The following ZAR1L variants were observed in gnomAD, a reference collection of about 807,000 sequenced individuals.
ZAR1L encodes protein ZAR1-like.
In ZAR1L, 16 loss-of-function variants were observed where a neutral mutation model predicts 30.0. The ratio of observed to expected loss-of-function variants is 0.53; its 90% confidence interval spans 0.36 to 0.81. The LOEUF is 0.81. Among genes scored for constraint, ZAR1L ranks in the 30% least tolerant of loss-of-function variants. ZAR1L has a pLI of 0.00. For missense variants in ZAR1L, 392 were observed against 417.2 expected (o/e 0.94, Z 0.53); for synonymous variants, 197 against 166.8 (o/e 1.18, Z -1.40).
rs752969196 is a variant in ZAR1L, at chr13:32,311,684, G to C, written c.242C>G (p.Pro81Arg). ...CTTGGTGTTGGGCTTGCACAGCCGC[G>C]GGCTCAGGCTGGGGTTCATCTGGGA... Reference protein sequence around the residue: ...ILSQMNPSLSPRLCKPNTKEV... With the variant: ...ILSQMNPSLSRRLCKPNTKEV... The change falls in exon 3 of 6, where the codon CCG becomes CGG. Residue 81 changes from proline (P) to arginine (R), a missense_variant. Pro to Arg is a moderately radical substitution (Grantham distance 103). Transcript: ENST00000533490. 6.4e-7 allele frequency: 1 copy of C among 1,551,510 alleles called. No individual in the cohort carries two copies. The highest frequency in any genetic ancestry group is 1.4e-5 in the African/African-American group (1 of 73,058).
intron 4 of ZAR1L, among the ~76,000 whole-genome samples, chr13:32,309,817 A>G (rs2072200062): frequency 6.6e-6 from 1 of 152,218 alleles, no homozygotes; most frequent in South Asian, 2.1e-4. Context: ...GAAGGAAGTA[A>G]ATTCAACTTC....
chr13:32,312,277 A>G (rs1375454359), intron 2 of ZAR1L, among the ~76,000 whole-genome samples, 184 bp from the exon 3 acceptor site: 1 of 152,192 alleles, frequency 6.6e-6, no homozygotes, highest in East Asian at 1.9e-4. Flanking sequence ...TGACCATTCT[A>G]AAGATCCTTT....
chr13:32,307,513 A>G (rs2072184614), intron 5 of ZAR1L, among the ~76,000 whole-genome samples: 1 of 149,636 alleles, frequency 6.7e-6, no homozygotes, highest in Non-Finnish European at 1.5e-5. Context: ...AAAAAAAAAA[A>G]AAAAAAAAAA....
At position 32,308,825 on chromosome 13, in the gene ZAR1L, C is replaced by T. The variant is rs559650752; in HGVS notation, c.748-65G>A. The T allele has an allele frequency of 7.1e-4, 798 of 1,126,550 alleles. 4 individuals carry two copies. The highest frequency in any genetic ancestry group is 5.5e-3 in the South Asian group (398 of 72,322). The allele number at this position is 1,126,550 out of a possible 1,614,324, so 69.8% of individuals were successfully genotyped here. A position where few individuals can be genotyped will look rare whatever the true frequency, so the allele number is the denominator to read the frequency against. On this transcript the variant is annotated intron_variant, in intron 4 of 5. Transcript: ENST00000533490. ...ACACACCCACACCCTGCAAAGGCTC[C>T]CAGTTCTTAAGTAATCCATTGCATC...
At chr13:32,308,871 C>CCTTGCCTTG in intron 4 of ZAR1L, 111 bp from the exon 5 acceptor site, 1 of 689,622 alleles carries the variant, frequency 1.5e-6, no homozygotes, top group Non-Finnish European at 2.5e-6. Flanking sequence ...CAACTTCTAC[C>CCTTGCCTTG]CTTGCCTTGC....
chr13:32,309,032 C>A (rs568152105), intron 4 of ZAR1L, among the ~76,000 whole-genome samples: 1 of 147,780 alleles, frequency 6.8e-6, no homozygotes, highest in East Asian at 2.0e-4. Context: ...CTCTTGTAAT[C>A]CAGTCTGGAG....
chr13:32,315,176 G>A (rs1305618584), intron 1 of ZAR1L, 139 bp downstream of exon 1: 3 of 152,320 alleles, frequency 2.0e-5, no homozygotes, highest in African/African-American at 7.2e-5. Flanking sequence ...TAGGTCCCAG[G>A]TCGTGTCCCG....
intron 5 of ZAR1L, among the ~76,000 whole-genome samples, chr13:32,308,099 C>T (rs938108907): frequency 6.6e-6 from 1 of 152,120 alleles, no homozygotes; most frequent in Non-Finnish European, 1.5e-5. Context: ...CCATGCCTGG[C>T]CTATTTATTT....
In ZAR1L at chr13:32,311,926, C is replaced by T; in HGVS notation, c.-1G>A. 1 of 1,544,882 alleles carries T rather than the reference C, an allele frequency of 6.5e-7. No individual in the cohort carries two copies. The highest frequency in any genetic ancestry group is 8.7e-7 in the Non-Finnish European group (1 of 1,143,062). On this transcript the variant is annotated 5_prime_UTR_variant, in exon 3 of 6. Transcript: ENST00000533490. ...AGGGAACACGGACAAAGCGCTCCAT[C>T]CGCTCTCAGGTGCTCAGGCGCAGTC...
In ZAR1L at chr13:32,310,628, T is replaced by C. The variant is rs774997812; in HGVS notation, c.747+11A>G. 2 of 1,540,152 alleles carry C rather than the reference T, an allele frequency of 1.3e-6. No homozygotes were observed. Among genetic ancestry groups the C allele is most frequent in the Non-Finnish European group, 1.8e-6 (2 of 1,136,560 alleles). ...CCCATCCTCCTCTCACCTCCTACTC[T>C]TTTTATTTACCTTGTTCGTTCCAGA... On this transcript the variant is annotated intron_variant, in intron 4 of 5. Coordinates refer to ENST00000533490, the MANE Select transcript of ZAR1L (RefSeq NM_001136571.2).
At chr13:32,311,141 A>T (rs538371987) in intron 3 of ZAR1L, 131 bp downstream of exon 3, 229 of 1,142,404 alleles carry the variant, frequency 2.0e-4, no homozygotes, top group Admixed American at 1.7e-3. Flanking sequence ...ACATATTTTC[A>T]GAGCTCCCTC....
intron 4 of ZAR1L, 120 bp downstream of exon 4, chr13:32,310,519 G>T (rs2072204709): frequency 2.8e-6 from 2 of 703,838 alleles, no homozygotes; most frequent in Non-Finnish European, 4.9e-6. Context: ...CTGGCACGGG[G>T]GATGCCACCA....
intron 5 of ZAR1L, among the ~76,000 whole-genome samples, chr13:32,304,984 A>C (rs138483483): frequency 6.6e-6 from 1 of 151,338 alleles, no homozygotes; most frequent in Non-Finnish European, 1.5e-5. Flanking sequence ...TAATTTTTGT[A>C]TTTTTTAGTA....
chr13:32,311,232 A>G (rs2072209638), intron 3 of ZAR1L, 40 bp downstream of exon 3: 1 of 1,499,668 alleles, frequency 6.7e-7, no homozygotes, highest in Non-Finnish European at 8.9e-7. Context: ...GGAGGGGATG[A>G]GGCTGGTCGA....
At chr13:32,314,170 T>G (rs572679219) in intron 2 of ZAR1L, among the ~76,000 whole-genome samples, 160 bp downstream of exon 2, 10 of 152,280 alleles carry the variant, frequency 6.6e-5, no homozygotes, top group Middle Eastern at 3.4e-3. Context: ...GTTTGGTAAG[T>G]GGCAGCTGTT....
intron 2 of ZAR1L, among the ~76,000 whole-genome samples, chr13:32,313,170 A>T (rs206112): frequency 0.38 from 57,354 of 152,058 alleles, 11,017 homozygotes; most frequent in East Asian, 0.49. Flanking sequence ...ACTACAGTTA[A>T]CAATACTGTA....
At chr13:32,306,200 A>G (rs1243713072) in intron 5 of ZAR1L, among the ~76,000 whole-genome samples, 1 of 152,210 alleles carries the variant, frequency 6.6e-6, no homozygotes, top group Non-Finnish European at 1.5e-5. Flanking sequence ...TATTCAGCCT[A>G]AAGCAAGAAG....
intron 5 of ZAR1L, 31 bp downstream of exon 5, chr13:32,308,655 T>C: frequency 2.7e-6 from 4 of 1,499,808 alleles, no homozygotes; most frequent in Non-Finnish European, 3.6e-6. Flanking sequence ...TAATGAAACA[T>C]AGACACAATG....
chr13:32,313,777 T>C (rs36222096), intron 2 of ZAR1L, among the ~76,000 whole-genome samples: 186 of 152,350 alleles, frequency 1.2e-3, no homozygotes, highest in African/African-American at 4.2e-3. Context: ...ATGGTGGAGC[T>C]AATAAGTTGC....
Sources: allele counts gnomAD v4.1 joint callset (sites outside exome capture counted in the v4.1 genomes callset), GRCh38; gene constraint gnomAD v4.1.1; transcripts MANE v1.5; gene names NCBI Gene and HGNC (gene_info 2026-07-23, HGNC 2026-07-21).